The following MACROD2 variants were observed in gnomAD, a reference collection of about 807,000 sequenced individuals.
MACROD2 encodes the protein mono-ADP ribosylhydrolase 2, also known as ADP-ribose glycohydrolase MACROD2.
Under a neutral mutation model 70.4 loss-of-function variants are expected in MACROD2, and 36 were observed. The observed-to-expected ratio is 0.51, with a 90% CI of 0.39 to 0.68. The LOEUF (loss-of-function observed/expected upper bound fraction) is 0.68, where lower values mean the gene tolerates loss of function less well. Ranked by LOEUF, MACROD2 falls within the 30% of genes least tolerant of loss-of-function variation. MACROD2 has a pLI of 0.00. For missense variants in MACROD2, 496 were observed against 538.4 expected (o/e 0.92, Z 0.78); for synonymous variants, 172 against 178.8 (o/e 0.96, Z 0.30).
intron 6 of MACROD2, among the ~76,000 whole-genome samples, chr20:15,320,006 C>T (rs11696544): frequency 2.0e-5 from 3 of 152,022 alleles, no homozygotes; most frequent in African/African-American, 4.8e-5. Flanking sequence ...GTCAGGAGTT[C>T]GAGACCAGCC....
chr20:15,331,402 T>C (rs2146191216), intron 6 of MACROD2, among the ~76,000 whole-genome samples: 1 of 151,838 alleles, frequency 6.6e-6, no homozygotes, highest in African/African-American at 2.4e-5. Context: ...ATGTGATTCT[T>C]TCATAAATCA....
intron 8 of MACROD2, among the ~76,000 whole-genome samples, chr20:15,796,079 C>A (rs2063670840): frequency 1.3e-5 from 2 of 152,272 alleles, no homozygotes; most frequent in South Asian, 4.2e-4. Flanking sequence ...TGCACCCCAA[C>A]ACCTCTGGAG....
chr20:15,734,696 A>G (rs1490136078), intron 8 of MACROD2, among the ~76,000 whole-genome samples: 2 of 152,174 alleles, frequency 1.3e-5, no homozygotes, highest in African/African-American at 4.8e-5. Flanking sequence ...TCCCTTTTAT[A>G]TAATTTCTGG....
intron 5 of MACROD2, among the ~76,000 whole-genome samples, chr20:14,814,980 A>G (rs2072757239): frequency 6.6e-6 from 1 of 152,088 alleles, no homozygotes; most frequent in African/African-American, 2.4e-5. Context: ...AGCTTATGTC[A>G]TCACAGTGTT....
chr20:14,649,654 G>C (rs1258273702), intron 4 of MACROD2, among the ~76,000 whole-genome samples: 1 of 152,150 alleles, frequency 6.6e-6, no homozygotes, highest in Non-Finnish European at 1.5e-5. Flanking sequence ...CATACATGTT[G>C]GGGGCTGGCA....
chr20:14,085,759 G>C, intron 3 of MACROD2, 31 bp downstream of exon 3: 1 of 1,255,574 alleles, frequency 8.0e-7, no homozygotes, highest in Middle Eastern at 2.0e-4. Context: ...TGATGTGTTT[G>C]TTATGTAAGT....
At chr20:15,122,828 A>G (rs556296981) in intron 5 of MACROD2, among the ~76,000 whole-genome samples, 91 of 152,274 alleles carry the variant, frequency 6.0e-4, no homozygotes, top group Admixed American at 1.8e-3. Flanking sequence ...AACTGCAAAG[A>G]CACACTTGAG....
chr20:14,627,061 CAGG>C (rs1476969624), intron 4 of MACROD2: 1 of 152,128 alleles, frequency 6.6e-6, no homozygotes, highest in East Asian at 1.9e-4. Context: ...TAAATTTCTA[CAGG>C]AGAAGAGATA....
intron 4 of MACROD2, among the ~76,000 whole-genome samples, chr20:14,620,625 G>A (rs767067053): frequency 6.6e-6 from 1 of 152,032 alleles, no homozygotes; most frequent in Non-Finnish European, 1.5e-5. Context: ...TAGGGGTGCT[G>A]GTGTTAGTAA....
At chr20:15,172,019 GA>G (rs1191875971) in intron 5 of MACROD2, among the ~76,000 whole-genome samples, 2 of 152,206 alleles carry the variant, frequency 1.3e-5, no homozygotes, top group Non-Finnish European at 2.9e-5. Flanking sequence ...GAGCTTTCCA[GA>G]AGGGAAATAT....
chr20:14,491,878 G>A (rs868375479), intron 3 of MACROD2, among the ~76,000 whole-genome samples: 2 of 152,140 alleles, frequency 1.3e-5, no homozygotes, highest in African/African-American at 2.4e-5. Flanking sequence ...CTATAGATAG[G>A]GAGGTAATTC....
intron 5 of MACROD2, among the ~76,000 whole-genome samples, chr20:15,031,162 A>G (rs542589610): frequency 5.9e-4 from 90 of 152,302 alleles, no homozygotes; most frequent in African/African-American, 2.0e-3. Flanking sequence ...GGCATACTGC[A>G]AATGGCTTCC....
chr20:14,169,859 C>T (rs2081205175), intron 3 of MACROD2, among the ~76,000 whole-genome samples: 1 of 151,892 alleles, frequency 6.6e-6, no homozygotes, highest in African/African-American at 2.4e-5. Context: ...AAGCCATTAT[C>T]CTCTCTTCTT....
chr20:15,149,152 C>A (rs6034113), intron 5 of MACROD2, among the ~76,000 whole-genome samples: 3,518 of 152,020 alleles, frequency 0.023, 162 homozygotes, highest in African/African-American at 0.081. Context: ...GAGGCAAATC[C>A]TTGAGCTTGG....
intron 3 of MACROD2, among the ~76,000 whole-genome samples, chr20:14,403,899 T>A (rs2083664127): frequency 6.6e-6 from 1 of 152,040 alleles, no homozygotes; most frequent in Admixed American, 6.5e-5. Context: ...CCCTAAATAA[T>A]ATAACTATTG....
chr20:14,888,823 A>G (rs2073713965), intron 5 of MACROD2, among the ~76,000 whole-genome samples: 1 of 152,164 alleles, frequency 6.6e-6, no homozygotes. Flanking sequence ...ATCTTTCCAA[A>G]TTAGATATCT....
intron 2 of MACROD2, chr20:14,052,126 G>A (rs1325870543): frequency 2.8e-6 from 1 of 357,904 alleles, no homozygotes; most frequent in Non-Finnish European, 5.5e-6. Context: ...GAAGATGGGT[G>A]TGTTGGGGTA....
intron 2 of MACROD2, among the ~76,000 whole-genome samples, chr20:14,029,555 C>G (rs1256907233): frequency 2.0e-5 from 3 of 152,040 alleles, no homozygotes; most frequent in Admixed American, 6.6e-5. Flanking sequence ...AGCATCGTGT[C>G]AAAGTTGTGG....
chr20:15,557,126 G>A (rs1386582747), intron 8 of MACROD2, among the ~76,000 whole-genome samples: 1 of 151,516 alleles, frequency 6.6e-6, no homozygotes, highest in African/African-American at 2.4e-5. Context: ...CATCATTGCA[G>A]TAAAATTCAC....
Sources: gnomAD v4.1 joint callset for allele counts (sites outside exome capture counted in the v4.1 genomes callset) on GRCh38, gnomAD v4.1.1 for gene constraint, MANE v1.5 for transcripts, NCBI Gene and HGNC (gene_info 2026-07-23, HGNC 2026-07-21) for gene names.